Variants in NTRK2 observed in about 807,000 individuals in gnomAD.
NTRK2 encodes the protein neurotrophic receptor tyrosine kinase 2.
NTRK2 carries 13 observed loss-of-function variants against 94.5 expected under a neutral mutation model. The ratio of observed to expected loss-of-function variants is 0.14; its 90% CI spans 0.09 to 0.22. NTRK2 has a LOEUF of 0.22. Among genes scored for constraint, NTRK2 ranks in the 10% least tolerant of loss-of-function variants. NTRK2 has a pLI of 1.00. For synonymous variants in NTRK2, 372 were observed against 407.4 expected, an observed-to-expected ratio of 0.91 and a Z score of 1.05; for missense variants, 639 against 1,071.2, an observed-to-expected ratio of 0.60 and a Z score of 5.63.
At chr9:84,712,210 T>C (rs2061454147) in intron 6 of NTRK2, among the ~76,000 whole-genome samples, 1 of 152,190 alleles carries the variant, frequency 6.6e-6, no homozygotes, top group Non-Finnish European at 1.5e-5. Context: ...TGCTTTGTCC[T>C]TGCCTGAAAC....
chr9:84,741,969 G>A (rs548750903), intron 10 of NTRK2, 42 bp downstream of exon 10: 20 of 1,524,396 alleles, frequency 1.3e-5, no homozygotes, highest in Admixed American at 1.0e-4. Flanking sequence ...TTTTCAAAAT[G>A]TTTGTGTATC....
rs141142471 is a variant in NTRK2 at position 85,026,609 on chromosome 9, G to A, written c.*5172G>A. 2.9e-4 allele frequency: 67 copies of A among 232,868 alleles called. No homozygotes were observed. The highest frequency in any genetic ancestry group is 2.2e-3 in the Admixed American group (40 of 17,792). 14.4% of individuals were successfully genotyped at this position (232,868 alleles called of 1,614,324 possible). A position where few individuals can be genotyped will look rare whatever the true frequency, so the allele number is the denominator to read the frequency against. On this transcript the variant is annotated 3_prime_UTR_variant, in exon 19 of 19. Transcript: ENST00000277120. ...ATTATGGTGAACTATTGCTCCCTGCGTTCTTTGATCATTACCTATGACTTA... is the reference window on the plus strand; with the variant it reads ...ATTATGGTGAACTATTGCTCCCTGCATTCTTTGATCATTACCTATGACTTA...
intron 12 of NTRK2, among the ~76,000 whole-genome samples, chr9:84,824,820 T>A (rs530212278): frequency 9.5e-4 from 145 of 152,158 alleles, no homozygotes; most frequent in African/African-American, 3.3e-3. Context: ...GCTGTTTCCT[T>A]TGGAGAGCTT....
At chr9:84,803,868 G>A (rs2133428968) in intron 12 of NTRK2, among the ~76,000 whole-genome samples, 1 of 152,272 alleles carries the variant, frequency 6.6e-6, no homozygotes, top group Middle Eastern at 3.4e-3. Flanking sequence ...TAATTTAAAT[G>A]GAGATGGGAT....
intron 2 of NTRK2, among the ~76,000 whole-genome samples, chr9:84,683,609 G>A (rs185505549): frequency 2.9e-4 from 44 of 152,194 alleles, no homozygotes; most frequent in Middle Eastern, 3.4e-3. Flanking sequence ...ATTTTGGTTG[G>A]TTCCAAGTCT....
intron 17 of NTRK2, among the ~76,000 whole-genome samples, chr9:84,992,791 C>T (rs894707234): frequency 6.6e-6 from 1 of 151,994 alleles, no homozygotes; most frequent in Non-Finnish European, 1.5e-5. Context: ...TGTGCTATCA[C>T]TATGCTTATA....
chr9:84,943,551 A>T (rs988526871), intron 15 of NTRK2, among the ~76,000 whole-genome samples: 1 of 152,186 alleles, frequency 6.6e-6, no homozygotes, highest in African/African-American at 2.4e-5. Context: ...ATTCACCAGG[A>T]ATAAGAAGAA....
At chr9:84,805,368 T>C (rs11140765) in intron 12 of NTRK2, among the ~76,000 whole-genome samples, 15,271 of 152,238 alleles carry the variant, frequency 0.1, 836 homozygotes, top group East Asian at 0.17. Flanking sequence ...ACTACTGTAA[T>C]TTTGATCAAA....
At chr9:84,974,156 G>T (rs1826517672) in intron 17 of NTRK2, among the ~76,000 whole-genome samples, 1 of 152,158 alleles carries the variant, frequency 6.6e-6, no homozygotes, top group Non-Finnish European at 1.5e-5. Context: ...CTGGATGTTT[G>T]TGTGTGTGGA....
chr9:84,723,827 C>A, intron 7 of NTRK2, 118 bp downstream of exon 7: 1 of 1,408,552 alleles, frequency 7.1e-7, no homozygotes, highest in Non-Finnish European at 1.0e-6. Context: ...TAGAAATTTA[C>A]AAAGAGTTTT....
chr9:84,764,301 C>A (rs1015847845), intron 12 of NTRK2, among the ~76,000 whole-genome samples: 3 of 152,180 alleles, frequency 2.0e-5, no homozygotes, highest in Admixed American at 2.0e-4. Context: ...AAACTTGAAC[C>A]TACTGGGCTT....
At chr9:84,772,268 T>C (rs1049826106) in intron 12 of NTRK2, among the ~76,000 whole-genome samples, 2 of 152,196 alleles carry the variant, frequency 1.3e-5, no homozygotes, top group Non-Finnish European at 2.9e-5. Context: ...ATTTTTTTTT[T>C]TGAGACAGAG....
At chr9:84,682,868 C>T (rs1051619372) in intron 2 of NTRK2, among the ~76,000 whole-genome samples, 1 of 152,136 alleles carries the variant, frequency 6.6e-6, no homozygotes, top group Non-Finnish European at 1.5e-5. Context: ...TTATTTTCTT[C>T]CCAGCTGCAC....
chr9:84,854,349 C>T (rs1469551913), intron 12 of NTRK2, among the ~76,000 whole-genome samples: 1 of 152,152 alleles, frequency 6.6e-6, no homozygotes, highest in Non-Finnish European at 1.5e-5. Context: ...TTCTTGACTA[C>T]TCCTTTTGTG....
At chr9:84,747,219 G>A (rs557497908) in intron 11 of NTRK2, among the ~76,000 whole-genome samples, 17 of 152,062 alleles carry the variant, frequency 1.1e-4, no homozygotes, top group Non-Finnish European at 1.6e-4. Context: ...ATGCACACAC[G>A]TATACACACA....
intron 12 of NTRK2, among the ~76,000 whole-genome samples, chr9:84,832,208 TGTTAA>T (rs1039757002): frequency 2.0e-5 from 3 of 152,210 alleles, no homozygotes; most frequent in Non-Finnish European, 2.9e-5. Flanking sequence ...ATGCCTGTGA[TGTTAA>T]GTTAACAATC....
chr9:84,947,110 C>T (rs2078624190), intron 15 of NTRK2, among the ~76,000 whole-genome samples: 1 of 152,138 alleles, frequency 6.6e-6, no homozygotes, highest in East Asian at 1.9e-4. Context: ...CACACACCAT[C>T]AAACCTGGCT....
intron 17 of NTRK2, among the ~76,000 whole-genome samples, chr9:84,969,501 T>C (rs1383649396): frequency 6.6e-6 from 1 of 152,224 alleles, no homozygotes; most frequent in Admixed American, 6.5e-5. Flanking sequence ...ATATACAGCA[T>C]TACAAAAGAA....
chr9:84,917,001 C>T (rs2077414065), intron 14 of NTRK2, among the ~76,000 whole-genome samples: 1 of 152,174 alleles, frequency 6.6e-6, no homozygotes, highest in African/African-American at 2.4e-5. Flanking sequence ...ACTCCCTTCT[C>T]CTGGTCCTGT....
Sources: gnomAD v4.1 joint callset for allele counts (sites outside exome capture counted in the v4.1 genomes callset) on GRCh38, gnomAD v4.1.1 for gene constraint, MANE v1.5 for transcripts, NCBI Gene and HGNC (gene_info 2026-07-23, HGNC 2026-07-21) for gene names.